The following KCTD20 variants were observed in gnomAD, a reference collection of about 807,000 sequenced individuals.
KCTD20 encodes the protein BTB/POZ domain-containing protein KCTD20.
Under a neutral mutation model 39.6 loss-of-function variants are expected in KCTD20, and 30 were observed. That is an observed-to-expected ratio of 0.76 (90% CI 0.57 to 1.03). The LOEUF is 1.03. Ranked by LOEUF, KCTD20 falls within the 50% of genes least tolerant of loss-of-function variation. The probability of loss-of-function intolerance (pLI) is 0.00; values close to 1 mark genes in which losing one functional copy is unlikely to be tolerated. For synonymous variants in KCTD20, 162 were observed against 180.6 expected (o/e 0.90, Z 0.83); for missense variants, 422 against 522.0 (o/e 0.81, Z 1.87).
chr6:36,446,144 A>G (rs1440513782), intron 1 of KCTD20, among the ~76,000 whole-genome samples: 1 of 149,382 alleles, frequency 6.7e-6, no homozygotes, highest in East Asian at 2.0e-4. Context: ...CTCCTGCCTC[A>G]GCCTCCCGAG....
Position 36,465,097 on chromosome 6 carries a change from AC to A in KCTD20, c.-46-4953del, listed in dbSNP as rs781241931. Among the ~76,000 whole-genome samples, 9 of 152,188 alleles carry A rather than the reference AC, an allele frequency of 5.9e-5. No homozygotes were observed. The East Asian group carries it at 1.4e-3, about 23-fold the overall frequency. On this transcript the variant is annotated intron_variant, in intron 1 of 7. Coordinates refer to ENST00000373731, the MANE Select transcript of KCTD20 (RefSeq NM_173562.5). ...TGGATCATGAGGTCAGGAGATCAAG[AC>A]CATCCTAGCCAACATGATGAAACCC...
intron 1 of KCTD20, among the ~76,000 whole-genome samples, chr6:36,468,019 A>G (rs1395143638): frequency 2.0e-5 from 3 of 152,236 alleles, no homozygotes; most frequent in African/African-American, 7.2e-5. Context: ...CCAAGCAAGT[A>G]ATGATAGTTA....
At chr6:36,480,313 C>CT (rs1341648743) in intron 5 of KCTD20, among the ~76,000 whole-genome samples, 18 of 151,830 alleles carry the variant, frequency 1.2e-4, no homozygotes, top group African/African-American at 4.3e-4. Context: ...TGTCTCGACT[C>CT]TAACAAACAA....
At chr6:36,480,994 C>T (rs183399870) in intron 5 of KCTD20, among the ~76,000 whole-genome samples, 2 of 152,210 alleles carry the variant, frequency 1.3e-5, no homozygotes, top group African/African-American at 4.8e-5. Context: ...AGGATGAGAA[C>T]TCAGATTGTC....
In KCTD20 at chr6:36,473,501, G is replaced by A. The variant is rs564489876; in HGVS notation, c.161-1288G>A. ...TTAAATAAATTAACTGGCCAGGCGT[G>A]GTGGCTCATGCCTGTAATCCCAGCA... On this transcript the variant is annotated intron_variant, in intron 2 of 7. Coordinates refer to ENST00000373731, the MANE Select transcript of KCTD20 (RefSeq NM_173562.5). 1.4e-4 allele frequency among the ~76,000 whole-genome samples: 22 copies of A among 152,210 alleles called. 1 individual carries two copies. In the South Asian group the frequency reaches 4.1e-3, roughly 29 times the overall value.
chr6:36,486,298 AACTGTTTT>A (rs1440363278), intron 7 of KCTD20, among the ~76,000 whole-genome samples: 3 of 152,144 alleles, frequency 2.0e-5, no homozygotes, highest in African/African-American at 7.2e-5. Context: ...CAACCCATCA[AACTGTTTT>A]ACCATTAGAA....
At chr6:36,466,148 C>T (rs574029288) in intron 1 of KCTD20, among the ~76,000 whole-genome samples, 8 of 151,584 alleles carry the variant, frequency 5.3e-5, no homozygotes, top group Admixed American at 3.3e-4. Context: ...CTGCAATCTC[C>T]GCCTCCTGGG....
chr6:36,461,385 A>G (rs924230111), intron 1 of KCTD20, among the ~76,000 whole-genome samples: 9 of 152,210 alleles, frequency 5.9e-5, no homozygotes, highest in African/African-American at 2.2e-4. Context: ...ATTAAACTAA[A>G]TGTAGTGAAG....
At chr6:36,447,339 A>G (rs1340481120) in intron 1 of KCTD20, among the ~76,000 whole-genome samples, 1 of 152,126 alleles carries the variant, frequency 6.6e-6, no homozygotes, top group Non-Finnish European at 1.5e-5. Flanking sequence ...TTTCAAAAAT[A>G]TTTTTAGGCT....
rs143857448 is a variant in KCTD20, at chr6:36,473,941, G to A, written c.161-848G>A. Among the ~76,000 whole-genome samples the A allele has an allele frequency of 2.8e-3, 426 of 152,292 alleles. 6 individuals carry two copies. Among genetic ancestry groups the A allele is most frequent in the African/African-American group, 9.9e-3 (413 of 41,558 alleles). On this transcript the variant is annotated intron_variant, in intron 2 of 7. Transcript: ENST00000373731. ...AGACCTGCCGTTTTGAAAAAATAGTGTAGGTGATGTTAGGATTCTCCTGTA... is the reference window on the plus strand; with the variant it reads ...AGACCTGCCGTTTTGAAAAAATAGTATAGGTGATGTTAGGATTCTCCTGTA...
intron 3 of KCTD20, among the ~76,000 whole-genome samples, chr6:36,475,602 A>G (rs1161240061): frequency 1.3e-5 from 2 of 152,176 alleles, no homozygotes; most frequent in Non-Finnish European, 2.9e-5. Flanking sequence ...CCACAAAAGG[A>G]AATAAAATCT....
intron 6 of KCTD20, among the ~76,000 whole-genome samples, chr6:36,483,067 C>T (rs1249395786): frequency 6.7e-6 from 1 of 149,112 alleles, no homozygotes; most frequent in East Asian, 2.0e-4. Flanking sequence ...TGCAGTGAGC[C>T]GAGATCATGC....
At chr6:36,470,031 A>T in intron 1 of KCTD20, 21 bp from the exon 2 acceptor site, 5 of 1,375,504 alleles carry the variant, frequency 3.6e-6, no homozygotes, top group Non-Finnish European at 3.9e-6. Flanking sequence ...GTTCTAAATC[A>T]TGCATATTCC....
rs1775840393 is a variant in KCTD20, at chr6:36,469,104, TAGTG to T, written c.-46-945_-46-942del. Among the ~76,000 whole-genome samples, 1 of 152,210 alleles carries T rather than the reference TAGTG, an allele frequency of 6.6e-6. No homozygotes were observed. Among genetic ancestry groups the T allele is most frequent in the Admixed American group, 6.5e-5 (1 of 15,270 alleles). ...GAGTATTAAAATGCATTACTGCCCTTAGTGAGCTTCCTGTTTCCTAAAATATTAA... is the reference window on the plus strand; with the variant it reads ...GAGTATTAAAATGCATTACTGCCCTTAGCTTCCTGTTTCCTAAAATATTAA... On this transcript the variant is annotated intron_variant, in intron 1 of 7. Transcript: ENST00000373731. The surrounding 1 kb of genome is among the most constrained non-coding windows in gnomAD (Gnocchi z 4.6).
chr6:36,477,404 GA>G (rs1345926201), intron 3 of KCTD20, among the ~76,000 whole-genome samples: 1 of 152,098 alleles, frequency 6.6e-6, no homozygotes, highest in Non-Finnish European at 1.5e-5. Context: ...GCATTCTTTG[GA>G]GGCTTTTATC....
At chr6:36,458,512 C>T (rs2072967007) in intron 1 of KCTD20, among the ~76,000 whole-genome samples, 2 of 145,994 alleles carry the variant, frequency 1.4e-5, no homozygotes, top group African/African-American at 5.1e-5. Context: ...CTGCACTCCA[C>T]CCTGGGCAAC....
At chr6:36,444,504 G>A (rs1774978842) in intron 1 of KCTD20, among the ~76,000 whole-genome samples, 1 of 152,068 alleles carries the variant, frequency 6.6e-6, no homozygotes, top group African/African-American at 2.4e-5. Context: ...TATCATCAGA[G>A]CTTAATGCCA....
At chr6:36,470,662 C>T (rs995285609) in intron 2 of KCTD20, among the ~76,000 whole-genome samples, 7 of 151,920 alleles carry the variant, frequency 4.6e-5, no homozygotes, top group African/African-American at 1.2e-4. Context: ...AGTGCAGTGG[C>T]GCGATCTTGG....
intron 1 of KCTD20, chr6:36,450,946 A>G (rs2127429178): frequency 6.6e-6 from 1 of 152,330 alleles, no homozygotes; most frequent in Non-Finnish European, 1.5e-5. Flanking sequence ...CCCAGGCTGA[A>G]GCATAGTAGC....
Sources: allele counts gnomAD v4.1 joint callset (sites outside exome capture counted in the v4.1 genomes callset), GRCh38; gene constraint gnomAD v4.1.1; non-coding constraint Gnocchi (gnomAD v3.1); transcripts MANE v1.5; gene names NCBI Gene and HGNC (gene_info 2026-07-23, HGNC 2026-07-21).